C11orf65: variants seen among roughly 807,000 people sequenced by gnomAD.
C11orf65 encodes the protein protein MFI.
In C11orf65, 38 loss-of-function variants were observed where a neutral mutation model predicts 35.3. That is an observed-to-expected ratio of 1.08 (90% CI 0.83 to 1.41). The LOEUF is 1.41. Among genes scored for constraint, C11orf65 ranks in the 40% most tolerant of loss-of-function variants. The probability of loss-of-function intolerance (pLI) is 0.00; values close to 1 mark genes in which losing one functional copy is unlikely to be tolerated. For missense variants in C11orf65, 370 were observed against 367.1 expected, an observed-to-expected ratio of 1.01 and a Z score of -0.06; for synonymous variants, 105 against 114.4, an observed-to-expected ratio of 0.92 and a Z score of 0.53.
intron 2 of C11orf65, among the ~76,000 whole-genome samples, chr11:108,375,586 A>G (rs1231046237): frequency 6.6e-6 from 1 of 152,180 alleles, no homozygotes; most frequent in East Asian, 1.9e-4. Flanking sequence ...ACTAACGAAC[A>G]AAATAACCAG....
At chr11:108,310,353 G>A in intron 6 of C11orf65, 1 of 1,571,464 alleles carries the variant, frequency 6.4e-7, no homozygotes, top group Non-Finnish European at 8.7e-7. Flanking sequence ...TAAAATTAAT[G>A]TTGGCATTGT....
chr11:108,379,750 C>T (rs932839154), downstream of C11orf65, among the ~76,000 whole-genome samples: 3 of 151,892 alleles, frequency 2.0e-5, no homozygotes, highest in African/African-American at 7.3e-5. Flanking sequence ...TTAGACTGTA[C>T]CTAGAAGTTC....
At chr11:108,327,534 C>T (rs1031984028), downstream of C11orf65, 7 of 829,726 alleles carry the variant, frequency 8.4e-6, no homozygotes, top group African/African-American at 1.0e-4. Flanking sequence ...TTTTTTTTCC[C>T]ACCCACCAAG....
Position 108,398,648 on chromosome 11 carries a change from G to A in C11orf65, c.561-5270C>T, listed in dbSNP as rs544710830. On this transcript the variant is annotated intron_variant, in intron 6 of 8. Transcript: ENST00000393084. ...GCTGTTTCCCAGCTAGTAATGTGAC[G>A]GTGCTTCAGCAAGTCATGCCACCAT... Among the ~76,000 whole-genome samples the A allele has an allele frequency of 7.2e-5, 11 of 152,242 alleles. No individual in the cohort carries two copies. The East Asian group carries it at 1.4e-3, about 19-fold the overall frequency.
downstream of C11orf65, among the ~76,000 whole-genome samples, chr11:108,382,091 A>G (rs1565626890): frequency 6.6e-6 from 1 of 152,182 alleles, no homozygotes; most frequent in Non-Finnish European, 1.5e-5. Context: ...AACCCAGTCA[A>G]GCTTTCAGAT....
In C11orf65 at chr11:108,430,329, C is replaced by T. The variant is rs1334666810; in HGVS notation, c.174+1417G>A. The stretch of plus-strand genomic sequence containing the variant: ...TTTTTTTTTGTATTTTTAGTAGAGA[C>T]AGGGTTTCGCCATGTTAGCCAGGGT... On this transcript the variant is annotated intron_variant, in intron 3 of 8. Transcript: ENST00000393084. Among the ~76,000 whole-genome samples, 8 of 143,772 alleles carry T rather than the reference C, an allele frequency of 5.6e-5. No homozygotes were observed. In the East Asian group the frequency reaches 1.0e-3, roughly 19 times the overall value. 94.3% of individuals were successfully genotyped at this position (143,772 alleles called of 152,430 possible).
intron 3 of C11orf65, among the ~76,000 whole-genome samples, chr11:108,426,060 T>C (rs2092898077): frequency 6.6e-6 from 1 of 152,174 alleles, no homozygotes; most frequent in African/African-American, 2.4e-5. Flanking sequence ...GGGCAAAAGC[T>C]GGATGCATTC....
chr11:108,415,329 G>T (rs1325401499), intron 3 of C11orf65, among the ~76,000 whole-genome samples: 2 of 151,968 alleles, frequency 1.3e-5, no homozygotes, highest in African/African-American at 4.8e-5. Flanking sequence ...ACCAGAATTT[G>T]AAATTTTAAA....
intron 3 of C11orf65, among the ~76,000 whole-genome samples, chr11:108,428,266 A>G (rs1022420631): frequency 2.0e-5 from 3 of 152,210 alleles, no homozygotes; most frequent in Non-Finnish European, 4.4e-5. Context: ...TTCCTCAAGG[A>G]TCTAGAACCA....
At chr11:108,338,088 C>G (rs780635215) in intron 2 of C11orf65, among the ~76,000 whole-genome samples, 13 of 152,274 alleles carry the variant, frequency 8.5e-5, no homozygotes, top group Non-Finnish European at 1.8e-4. Context: ...GTGGCCCACG[C>G]CTGTAATCCC....
In C11orf65 at chr11:108,383,040, T is replaced by G; in HGVS notation, c.923A>C (p.Asp308Ala). ...AGTACTTTATAGTCCATAAGTAGAA[T>G]CAGGCGTTAATCTAGTTACATTTGG... is the stretch of plus-strand genomic sequence containing the variant. ...QEPNVTRLTP[D>A]STYGL Residue 308 changes from aspartate to alanine, a missense_variant, in exon 9 of 9, where the codon GAT becomes GCT. Asp to Ala is a moderately radical substitution (Grantham distance 126). Coordinates refer to ENST00000393084, the MANE Select transcript of C11orf65 (RefSeq NM_152587.5). 3 of 1,610,848 alleles carry G rather than the reference T, an allele frequency of 1.9e-6. No homozygotes were observed. Among genetic ancestry groups the G allele is most frequent in the Non-Finnish European group, 2.5e-6 (3 of 1,179,304 alleles).
chr11:108,406,231 T>C (rs913903451), intron 5 of C11orf65, among the ~76,000 whole-genome samples: 1 of 152,248 alleles, frequency 6.6e-6, no homozygotes, highest in African/African-American at 2.4e-5. Flanking sequence ...ATGGTTGATA[T>C]GCAATAGTTT....
chr11:108,315,443 A>T (rs2084539515), intron 6 of C11orf65, among the ~76,000 whole-genome samples: 1 of 152,238 alleles, frequency 6.6e-6, no homozygotes, highest in South Asian at 2.1e-4. Flanking sequence ...GAAATGTATC[A>T]TATCAAATGT....
At chr11:108,429,308 G>C (rs148567964) in intron 3 of C11orf65, among the ~76,000 whole-genome samples, 2 of 152,220 alleles carry the variant, frequency 1.3e-5, no homozygotes, top group Admixed American at 1.3e-4. Context: ...TAGAGGTATA[G>C]ATGAAATAAG....
At chr11:108,440,249 T>C (rs1390083523) in intron 2 of C11orf65, among the ~76,000 whole-genome samples, 3 of 152,244 alleles carry the variant, frequency 2.0e-5, no homozygotes, top group African/African-American at 7.2e-5. Flanking sequence ...TCTAATCATC[T>C]ATTACTGTGT....
chr11:108,393,675 G>C (rs1451396588), intron 6 of C11orf65, among the ~76,000 whole-genome samples: 7 of 152,194 alleles, frequency 4.6e-5, no homozygotes, highest in African/African-American at 1.4e-4. Flanking sequence ...GAGTGGAAAG[G>C]GTCTTAGAAA....
intron 3 of C11orf65, chr11:108,334,019 G>C (rs756944398): frequency 7.2e-7 from 1 of 1,395,602 alleles, no homozygotes; most frequent in Non-Finnish European, 1.0e-6. Context: ...TTTTTTATTA[G>C]ATTGAACCAT....
intron 6 of C11orf65, among the ~76,000 whole-genome samples, chr11:108,311,531 A>G (rs1261308409): frequency 6.6e-6 from 1 of 152,074 alleles, no homozygotes; most frequent in Non-Finnish European, 1.5e-5. Flanking sequence ...CCTCAGCTCT[A>G]CTAAAAATAA....
chr11:108,429,479 C>A (rs924949887), intron 3 of C11orf65, among the ~76,000 whole-genome samples: 1 of 152,082 alleles, frequency 6.6e-6, no homozygotes, highest in African/African-American at 2.4e-5. Context: ...AAAAAAGATG[C>A]AAGTAACAGA....
Sources: allele counts gnomAD v4.1 joint callset (sites outside exome capture counted in the v4.1 genomes callset), GRCh38; gene constraint gnomAD v4.1.1; transcripts MANE v1.5; gene names NCBI Gene and HGNC (gene_info 2026-07-23, HGNC 2026-07-21).